Variants in URI1 observed in about 807,000 individuals in gnomAD.
URI1 encodes unconventional prefoldin RPB5 interactor 1.
In URI1, 39 loss-of-function variants were observed where a neutral mutation model predicts 60.2. The observed-to-expected ratio is 0.65, with a 90% CI of 0.50 to 0.85. URI1 has a LOEUF of 0.85. Ranked by LOEUF, URI1 falls within the 40% of genes least tolerant of loss-of-function variation. The pLI is 0.00. For synonymous variants in URI1, 251 were observed against 236.8 expected, an observed-to-expected ratio of 1.06 and a Z score of -0.55; for missense variants, 691 against 665.9, an observed-to-expected ratio of 1.04 and a Z score of -0.42.
chr19:29,984,769 A>G (rs1016815543), intron 2 of URI1, among the ~76,000 whole-genome samples: 1 of 152,130 alleles, frequency 6.6e-6, no homozygotes, highest in Non-Finnish European at 1.5e-5. Context: ...GGGCCTCCCA[A>G]ATTGCTGGGA....
chr19:29,923,743 G>A, exon 1 of URI1: 3 of 1,536,768 alleles, frequency 2.0e-6, no homozygotes, highest in Admixed American at 2.0e-5. Flanking sequence ...GAGGGCTCTG[G>A]CATATGCATT....
intron 1 of URI1, among the ~76,000 whole-genome samples, chr19:29,924,402 G>A (rs1452127247): frequency 6.6e-6 from 1 of 152,134 alleles, no homozygotes; most frequent in Non-Finnish European, 1.5e-5. Flanking sequence ...TCAAGGACAG[G>A]AGCCCCCCAT....
chr19:29,978,572 T>C (rs1836193495), intron 2 of URI1, among the ~76,000 whole-genome samples: 1 of 152,180 alleles, frequency 6.6e-6, no homozygotes, highest in African/African-American at 2.4e-5. Context: ...GATGTGAATA[T>C]TGCAACAACC....
At chr19:30,002,960 T>G (rs530207314) in intron 4 of URI1, among the ~76,000 whole-genome samples, 171 of 152,020 alleles carry the variant, frequency 1.1e-3, no homozygotes, top group Non-Finnish European at 2.0e-3. Flanking sequence ...TTGAGTCTGT[T>G]TAAATGATCC....
Position 30,015,250 on chromosome 19 carries a change from T to C in URI1, c.*181T>C, listed in dbSNP as rs1018787394. The C allele has an allele frequency of 6.4e-6, 9 of 1,414,848 alleles. No individual in the cohort carries two copies. The Admixed American group carries it at 8.9e-5, about 14-fold the overall frequency. 87.6% of individuals were successfully genotyped at this position (1,414,848 alleles called of 1,614,324 possible). A position where few individuals can be genotyped will look rare whatever the true frequency, so the allele number is the denominator to read the frequency against. On this transcript the variant is annotated 3_prime_UTR_variant, in exon 11 of 11. Transcript: ENST00000392271. ...AATCAAGGTAACTGTCTGAATACTT[T>C]AATATCAGCTTGTTTTGTGAATTCT... is the stretch of plus-strand genomic sequence containing the variant.
intron 10 of URI1, among the ~76,000 whole-genome samples, chr19:30,014,396 A>G (rs1231114421): frequency 1.3e-5 from 2 of 152,226 alleles, no homozygotes; most frequent in Admixed American, 6.5e-5. Context: ...AAATAATTGC[A>G]TAAACACCAC....
intron 4 of URI1, among the ~76,000 whole-genome samples, chr19:30,004,043 C>T (rs2055909391): frequency 1.3e-5 from 2 of 152,016 alleles, no homozygotes; most frequent in African/African-American, 4.8e-5. Context: ...AGTTATTAGG[C>T]TGTCTGAGTC....
At chr19:29,959,376 C>T (rs570314614) in intron 1 of URI1, among the ~76,000 whole-genome samples, 15 of 152,312 alleles carry the variant, frequency 9.8e-5, no homozygotes, top group Non-Finnish European at 1.6e-4. Flanking sequence ...TATCCATCTG[C>T]CTTGGCTTCC....
At chr19:30,008,824 C>G (rs2055977318) in intron 7 of URI1, among the ~76,000 whole-genome samples, 181 bp from the exon 8 acceptor site, 1 of 152,048 alleles carries the variant, frequency 6.6e-6, no homozygotes, top group South Asian at 2.1e-4. Context: ...ATAGAAGCAG[C>G]ATAGGAACTG....
At chr19:29,964,452 G>GTTTTTTTTTTTT (rs1380907956) in intron 1 of URI1, among the ~76,000 whole-genome samples, 21 of 137,300 alleles carry the variant, frequency 1.5e-4, no homozygotes, top group African/African-American at 5.5e-4. Flanking sequence ...TTTTGTTTTT[G>GTTTTTTTTTTTT]TTTTTTGTTT....
chr19:29,942,298 C>T lies in URI1; in HGVS notation c.-250C>T, dbSNP rs1246093342. The T allele has an allele frequency of 8.1e-6, 8 of 985,072 alleles. No individual in the cohort carries two copies. The highest frequency in any genetic ancestry group is 9.6e-6 in the Non-Finnish European group (8 of 829,692). 61.0% of individuals were successfully genotyped at this position (985,072 alleles called of 1,614,324 possible). A position where few individuals can be genotyped will look rare whatever the true frequency, so the allele number is the denominator to read the frequency against. On this transcript the variant is annotated 5_prime_UTR_variant, in exon 1 of 11. Transcript: ENST00000392271. The stretch of plus-strand genomic sequence containing the variant: ...CTGGGCCCGCACCGGAGAGGCGTCT[C>T]GGTACCTGGCAGGCGGCCTGCTACT...
At chr19:29,980,623 A>AAC (rs1457084480) in intron 2 of URI1, among the ~76,000 whole-genome samples, 2 of 145,328 alleles carry the variant, frequency 1.4e-5, no homozygotes, top group Admixed American at 6.9e-5. Flanking sequence ...AAAAAAAAAA[A>AAC]AAAAAAAAAA....
chr19:29,949,128 C>G (rs919320485), intron 1 of URI1, among the ~76,000 whole-genome samples: 1 of 150,490 alleles, frequency 6.6e-6, no homozygotes, highest in African/African-American at 2.4e-5. Context: ...AGCTGCCGGG[C>G]GGAGGGGCTC....
At chr19:29,988,910 A>C (rs1374025139) in intron 4 of URI1, among the ~76,000 whole-genome samples, 1 of 152,134 alleles carries the variant, frequency 6.6e-6, no homozygotes, top group African/African-American at 2.4e-5. Flanking sequence ...GCAGTGTGTG[A>C]TAGTGGTATC....
Position 29,942,267 on chromosome 19 carries a change from G to A in URI1, c.-281G>A, listed in dbSNP as rs1259684443. The stretch of plus-strand genomic sequence containing the variant: ...TGGGGAGGCGCGGCCGCCACGCGAC[G>A]CCTGGCTGGGCCCGCACCGGAGAGG... On this transcript the variant is annotated 5_prime_UTR_variant, in exon 1 of 11. Transcript: ENST00000392271. 4.1e-6 allele frequency: 4 copies of A among 984,630 alleles called. No homozygotes were observed. The Admixed American group carries it at 1.9e-4, about 46-fold the overall frequency. The allele number at this position is 984,630 out of a possible 1,614,324, so 61.0% of individuals were successfully genotyped here. A position where few individuals can be genotyped will look rare whatever the true frequency, so the allele number is the denominator to read the frequency against.
At chr19:29,952,444 T>G (rs1365241397) in intron 1 of URI1, among the ~76,000 whole-genome samples, 1 of 152,236 alleles carries the variant, frequency 6.6e-6, no homozygotes, top group East Asian at 1.9e-4. Flanking sequence ...TTTTCCTTAT[T>G]CTAATCAGTC....
upstream of URI1, among the ~76,000 whole-genome samples, chr19:29,939,052 A>T (rs1362297519): frequency 2.0e-5 from 3 of 147,966 alleles, no homozygotes; most frequent in African/African-American, 5.0e-5. Context: ...ATCTCGGCTC[A>T]CTGCAACCTC....
chr19:30,011,454 C>G (rs1278292058), intron 9 of URI1, among the ~76,000 whole-genome samples: 1 of 151,034 alleles, frequency 6.6e-6, no homozygotes, highest in Non-Finnish European at 1.5e-5. Flanking sequence ...ACTTTCTCCT[C>G]TTCACCAGTG....
At chr19:29,937,376 A>G (rs1326184314), upstream of URI1, among the ~76,000 whole-genome samples, 3 of 152,128 alleles carry the variant, frequency 2.0e-5, no homozygotes, top group Middle Eastern at 3.4e-3. Flanking sequence ...GATGGCTTCT[A>G]TTGAATTCTT....
Sources: gnomAD v4.1 joint callset for allele counts (sites outside exome capture counted in the v4.1 genomes callset) on GRCh38, gnomAD v4.1.1 for gene constraint, MANE v1.5 for transcripts, NCBI Gene and HGNC (gene_info 2026-07-23, HGNC 2026-07-21) for gene names.